Variants in MICAL1 observed in about 807,000 individuals in gnomAD.
MICAL1 encodes [F-actin]-monooxygenase MICAL1.
Under a neutral mutation model 131.8 loss-of-function variants are expected in MICAL1, and 95 were observed. The observed-to-expected ratio is 0.72, with a 90% CI of 0.61 to 0.86. The LOEUF (loss-of-function observed/expected upper bound fraction) is 0.86. Ranked by LOEUF, MICAL1 falls within the 40% of genes least tolerant of loss-of-function variation. The pLI is 0.00. For missense variants in MICAL1, 1,292 were observed against 1,380.6 expected (o/e 0.94, Z 1.02); for synonymous variants, 546 against 554.2 (o/e 0.99, Z 0.21).
chr6:109,446,912 C>T (rs1005803283), intron 17 of MICAL1, 140 bp from the exon 18 acceptor site: 2 of 1,230,364 alleles, frequency 1.6e-6, no homozygotes, highest in Non-Finnish European at 1.2e-6. Context: ...CTCAGAACCA[C>T]ACATCTGGAG....
rs778632371 is a variant in MICAL1 at position 109,453,298 on chromosome 6, A to C, written c.536T>G (p.Val179Gly). The change falls in exon 4 of 25, where the codon GTC becomes GGC. Residue 179 changes from valine to glycine, a missense_variant. By Grantham distance (109) the Val-to-Gly change is moderately radical (BLOSUM62 -3). Coordinates refer to ENST00000358807, the MANE Select transcript of MICAL1 (RefSeq NM_022765.4). ...AGGGGGCTGGAGGCCAGTGAAAGTGACACCCCAGTGAATTTCCACCCCCAG... is the reference window on the plus strand; with the variant it reads ...AGGGGGCTGGAGGCCAGTGAAAGTGCCACCCCAGTGAATTTCCACCCCCAG... ...LLLGVEIHWG[V>G]TFTGLQPPPR... is the part of the protein sequence containing the mutation. 6.8e-6 allele frequency: 11 copies of C among 1,613,934 alleles called. No individual in the cohort carries two copies. The highest frequency in any genetic ancestry group is 1.1e-5 in the South Asian group (1 of 91,090).
upstream of MICAL1, among the ~76,000 whole-genome samples, chr6:109,459,022 A>C (rs2115346547): frequency 6.6e-6 from 1 of 152,310 alleles, no homozygotes; most frequent in African/African-American, 2.4e-5. Flanking sequence ...ACAACTTTCA[A>C]GGCTGAGAAA....
rs763420914 is a variant in MICAL1 at position 109,446,748 on chromosome 6, A to C, written c.2252T>G (p.Leu751Arg). 5 of 1,613,774 alleles carry C rather than the reference A, an allele frequency of 3.1e-6. No homozygotes were observed. In the African/African-American group the frequency reaches 4.0e-5, roughly 13 times the overall value. Residue 751 changes from leucine (L) to arginine (R), a missense_variant, in exon 18 of 25, where the codon CTG (leucine) becomes CGG (arginine). By Grantham distance (102) the Leu-to-Arg change is moderately radical (BLOSUM62 -2). Coordinates refer to ENST00000358807, the MANE Select transcript of MICAL1 (RefSeq NM_022765.4). ...GDGHFYCLQH[L>R]PQTDHKAEGS... ...TTCCGCTTTGTGGTCTGTCTGGGGC[A>C]GGTGCTGGAGGCAGTAGAAATGTCC...
chr6:109,445,281 G>A lies in MICAL1; in HGVS notation c.2797C>T (p.Arg933Trp), dbSNP rs143674381. 4.3e-6 allele frequency: 7 copies of A among 1,613,982 alleles called. No homozygotes were observed. The highest frequency in any genetic ancestry group is 1.1e-5 in the South Asian group (1 of 91,088). The change falls in exon 22 of 25, where the codon CGG becomes TGG. Residue 933 changes from arginine (R) to tryptophan (W), a missense_variant. Coordinates refer to ENST00000358807, the MANE Select transcript of MICAL1 (RefSeq NM_022765.4). ...GCAGCCTCAATCTCATTTAGTCGCC[G>A]TTGGATGGTCTGAGGGGTACAAGAC... ...KRFCKAQTIQ[R>W]RLNEIEAALR...
chr6:109,452,300 C>G lies in MICAL1; in HGVS notation c.778G>C (p.Gly260Arg), dbSNP rs749746161. 6.2e-7 allele frequency: 1 copy of G among 1,614,060 alleles called. No homozygotes were observed. Among genetic ancestry groups the G allele is most frequent in the African/African-American group, 1.3e-5 (1 of 74,924 alleles). Residue 260 changes from glycine (G) to arginine (R), a missense_variant, in exon 6 of 25, where the codon GGT (glycine) becomes CGT (arginine). Physicochemically the swap from Gly to Arg is moderately radical, Grantham distance 125 (BLOSUM62 -2). Coordinates refer to ENST00000358807, the MANE Select transcript of MICAL1 (RefSeq NM_022765.4). ...VEETQVPEIS[G>R]VARIYNQSFF... Reference sequence around the variant, plus strand: ...CTCTGGTTGTAGATCCTGGCTACACCACTGATCTCCGGCACCTGTGTCTCC... The same window carrying G: ...CTCTGGTTGTAGATCCTGGCTACACGACTGATCTCCGGCACCTGTGTCTCC...
intron 15 of MICAL1, 75 bp from the exon 16 acceptor site, chr6:109,447,515 C>T: frequency 6.5e-7 from 1 of 1,539,734 alleles, no homozygotes; most frequent in Non-Finnish European, 8.9e-7. Flanking sequence ...CAGATGAACA[C>T]AAGGGGCTGA....
Position 109,463,342 on chromosome 6 carries a change from T to C in MICAL1, c.14+2322A>G, listed in dbSNP as rs1352266107. ...GTATATGTGGGACAAAGAAAGAGGC[T>C]AGATTAACAAAGCTATCATTTCCTT... On this transcript the variant is annotated intron_variant, in intron 1 of 24. Transcript: ENST00000630715. 2.0e-5 allele frequency: 3 copies of C among 152,298 alleles called. No individual in the cohort carries two copies. In the East Asian group the frequency reaches 5.8e-4, roughly 29 times the overall value. The allele number at this position is 152,298 out of a possible 1,614,324, so 9.4% of individuals were successfully genotyped here.
chr6:109,449,880 C>A, intron 9 of MICAL1, 90 bp downstream of exon 9: 1 of 1,586,058 alleles, frequency 6.3e-7, no homozygotes, highest in Non-Finnish European at 8.6e-7. Context: ...CTGCCTATTC[C>A]TCCGTCTATT....
In MICAL1 at chr6:109,455,622, G is replaced by T; in HGVS notation, c.-44+97C>A. On this transcript the variant is annotated intron_variant, in intron 1 of 24. Transcript: ENST00000358807. This position sits in a 1 kb window ranked among gnomAD's most constrained non-coding sequence, Gnocchi z 4.7. ...AAGACCTGCCTGACCTGCCAGGCGT[G>T]GTTCCCGAGCGACCGCAGCTGCGTT... The T allele has an allele frequency of 1.2e-6, 1 of 826,788 alleles. No homozygotes were observed. The highest frequency in any genetic ancestry group is 1.5e-6 in the Non-Finnish European group (1 of 684,556). The allele number at this position is 826,788 out of a possible 1,614,324, so 51.2% of individuals were successfully genotyped here. A position where few individuals can be genotyped will look rare whatever the true frequency, so the allele number is the denominator to read the frequency against.
Position 109,444,067 on chromosome 6 carries a change from G to T in MICAL1, c.*124C>A. 2.0e-6 allele frequency: 3 copies of T among 1,480,532 alleles called. No homozygotes were observed. The highest frequency in any genetic ancestry group is 2.5e-4 in the Middle Eastern group (1 of 3,960). 91.7% of individuals were successfully genotyped at this position (1,480,532 alleles called of 1,614,324 possible). A position where few individuals can be genotyped will look rare whatever the true frequency, so the allele number is the denominator to read the frequency against. Reference sequence around the variant, plus strand: ...TGTAGGCGGTGTGAACGCTGTTTGTGGCAGAAACATTTTAATTGTAAACAG... The same window carrying T: ...TGTAGGCGGTGTGAACGCTGTTTGTTGCAGAAACATTTTAATTGTAAACAG... On this transcript the variant is annotated 3_prime_UTR_variant, in exon 25 of 25. Transcript: ENST00000358807.
intron 6 of MICAL1, 132 bp downstream of exon 6, chr6:109,452,114 C>G: frequency 1.4e-6 from 2 of 1,454,216 alleles, no homozygotes; most frequent in East Asian, 2.4e-5. Context: ...GGTTCCTTCT[C>G]CTTTGCTGCT....
At chr6:109,453,398 C>A in intron 3 of MICAL1, 31 bp from the exon 4 acceptor site, 1 of 1,603,038 alleles carries the variant, frequency 6.2e-7, no homozygotes, top group Non-Finnish European at 8.5e-7. Flanking sequence ...GGAACAGGGA[C>A]CCTAGGGCAG....
chr6:109,445,333 T>C (rs770678446), intron 21 of MICAL1, 43 bp from the exon 22 acceptor site: 60 of 1,613,250 alleles, frequency 3.7e-5, no homozygotes, highest in Non-Finnish European at 4.9e-5. Context: ...TCTAGGTTGC[T>C]CAAGAACAGA....
At chr6:109,458,180 A>C (rs1210769673), upstream of MICAL1, among the ~76,000 whole-genome samples, 1 of 152,208 alleles carries the variant, frequency 6.6e-6, no homozygotes, top group Non-Finnish European at 1.5e-5. Context: ...TTCTCTCCTT[A>C]ATTAGAATCT....
In MICAL1 at chr6:109,455,368, T is replaced by G; in HGVS notation, c.-44+351A>C. On this transcript the variant is annotated intron_variant, in intron 1 of 24. Transcript: ENST00000358807. The surrounding 1 kb of genome is among the most constrained non-coding windows in gnomAD (Gnocchi z 4.7). ...CCGGACGAGGGCAGACGGAATCTCATGACGGAAGGGCAAAGATCTTTCTTG... is the reference window on the plus strand; with the variant it reads ...CCGGACGAGGGCAGACGGAATCTCAGGACGGAAGGGCAAAGATCTTTCTTG... Among the ~76,000 whole-genome samples, 1 of 151,710 alleles carries G rather than the reference T, an allele frequency of 6.6e-6. No homozygotes were observed. The highest frequency in any genetic ancestry group is 2.1e-4 in the South Asian group (1 of 4,788).
chr6:109,453,655 C>A lies in MICAL1; in HGVS notation c.449G>T (p.Gly150Val). The change falls in exon 3 of 25, where the codon GGC (glycine) becomes GTC (valine). Residue 150 changes from glycine to valine, a missense_variant. Physicochemically the swap from Gly to Val is moderately radical, Grantham distance 109 (BLOSUM62 -3). Transcript: ENST00000358807. ...AKKFYGRFCT[G>V]TLDHISIRQL... ...GTGCTCACTGATGTGGTCCAGGGTG[C>A]CGGTGCAGAAGCGCCCGTAGAACTT... is the stretch of plus-strand genomic sequence containing the variant. The A allele has an allele frequency of 4.4e-6, 7 of 1,606,170 alleles. No individual in the cohort carries two copies. Among genetic ancestry groups the A allele is most frequent in the Non-Finnish European group, 6.0e-6 (7 of 1,176,422 alleles).
rs982360668 is a variant in MICAL1 at position 109,448,033 on chromosome 6, C to T, written c.1856-70G>A. The stretch of plus-strand genomic sequence containing the variant: ...ACTGTACTCTCAGAACAGACAGTCA[C>T]TCTCCAACCCAGAAGGACACCTCTC... On this transcript the variant is annotated intron_variant, in intron 13 of 24. Transcript: ENST00000358807. The T allele has an allele frequency of 2.0e-6, 3 of 1,495,330 alleles. No individual in the cohort carries two copies. The African/African-American group carries it at 4.2e-5, about 21-fold the overall frequency. The allele number at this position is 1,495,330 out of a possible 1,614,324, so 92.6% of individuals were successfully genotyped here.
At chr6:109,463,670 C>G (rs932891300) in intron 1 of MICAL1, 1 of 152,090 alleles carries the variant, frequency 6.6e-6, no homozygotes, top group African/African-American at 2.4e-5. Context: ...GTCCAATGAA[C>G]ATTAGCATCC....
intron 18 of MICAL1, 35 bp from the exon 19 acceptor site, chr6:109,446,447 G>T: frequency 3.3e-6 from 2 of 606,146 alleles, no homozygotes; most frequent in Non-Finnish European, 4.4e-6. Context: ...AGGTCGGGGG[G>T]TGAGGCCACC....
Sources: allele counts gnomAD v4.1 joint callset (sites outside exome capture counted in the v4.1 genomes callset), GRCh38; gene constraint gnomAD v4.1.1; non-coding constraint Gnocchi (gnomAD v3.1); transcripts MANE v1.5; gene names NCBI Gene and HGNC (gene_info 2026-07-23, HGNC 2026-07-21).